Variants in ENOX1 observed in about 807,000 individuals in gnomAD.
ENOX1 encodes ecto-NOX disulfide-thiol exchanger 1, also known as candidate growth-related and time keeping constitutive hydroquinone (NADH) oxidase.
In ENOX1, 42 loss-of-function variants were observed where a neutral mutation model predicts 82.5. The ratio of observed to expected loss-of-function variants is 0.51; its 90% CI spans 0.40 to 0.66. The LOEUF (loss-of-function observed/expected upper bound fraction) is 0.66, where lower values mean the gene tolerates loss of function less well. Among genes scored for constraint, ENOX1 ranks in the 30% least tolerant of loss-of-function variants. ENOX1 has a pLI of 0.00. For missense variants in ENOX1, 608 were observed against 811.6 expected (o/e 0.75, Z 3.05); for synonymous variants, 271 against 282.2 (o/e 0.96, Z 0.40).
At chr13:43,559,286 A>G (rs1232902397) in intron 2 of ENOX1, among the ~76,000 whole-genome samples, 3 of 152,214 alleles carry the variant, frequency 2.0e-5, no homozygotes, top group Non-Finnish European at 2.9e-5. Flanking sequence ...AAACACATGC[A>G]TACTTATTTG....
chr13:43,286,082 C>A (rs543274598), intron 12 of ENOX1, among the ~76,000 whole-genome samples: 2 of 152,236 alleles, frequency 1.3e-5, no homozygotes, highest in Admixed American at 6.5e-5. Context: ...AGGACACCTG[C>A]TATAGACAGC....
chr13:43,476,726 A>T (rs1263853885), intron 3 of ENOX1, among the ~76,000 whole-genome samples: 1 of 152,188 alleles, frequency 6.6e-6, no homozygotes, highest in Non-Finnish European at 1.5e-5. Flanking sequence ...ATAGAAAAGG[A>T]TAGAGGCACA....
At chr13:43,355,547 G>A (rs2050091932) in intron 8 of ENOX1, among the ~76,000 whole-genome samples, 1 of 152,198 alleles carries the variant, frequency 6.6e-6, no homozygotes, top group Non-Finnish European at 1.5e-5. Flanking sequence ...ACAAATAGTT[G>A]CTGGCTCATT....
intron 1 of ENOX1, among the ~76,000 whole-genome samples, chr13:43,780,160 C>CAA (rs775373870): frequency 1.0e-5 from 1 of 96,090 alleles, no homozygotes. Context: ...GACTCTGTCT[C>CAA]AAAAAAAAAA....
intron 1 of ENOX1, among the ~76,000 whole-genome samples, chr13:43,712,010 G>A (rs1566813193): frequency 6.6e-6 from 1 of 150,470 alleles, no homozygotes; most frequent in East Asian, 2.0e-4. Flanking sequence ...CCTATGTCCT[G>A]AATGGTAATG....
intron 1 of ENOX1, among the ~76,000 whole-genome samples, chr13:43,678,537 G>A (rs1276158741): frequency 6.6e-6 from 1 of 152,170 alleles, no homozygotes; most frequent in Non-Finnish European, 1.5e-5. Flanking sequence ...CATGTCAGCT[G>A]GAGAGTTAAA....
At chr13:43,667,012 G>A (rs2085015597) in intron 2 of ENOX1, among the ~76,000 whole-genome samples, 1 of 152,200 alleles carries the variant, frequency 6.6e-6, no homozygotes, top group Non-Finnish European at 1.5e-5. Context: ...CAAGTGACCT[G>A]TTTGGGCAAA....
chr13:43,304,197 C>A (rs1325527439), intron 11 of ENOX1, among the ~76,000 whole-genome samples: 1 of 152,184 alleles, frequency 6.6e-6, no homozygotes, highest in African/African-American at 2.4e-5. Flanking sequence ...CTTCAAATAA[C>A]AGTAGCAGTA....
At chr13:43,544,322 T>C (rs1390466726) in intron 2 of ENOX1, 1 of 152,212 alleles carries the variant, frequency 6.6e-6, no homozygotes, top group Non-Finnish European at 1.5e-5. Context: ...CTTATCTAGA[T>C]TGTTGTAAGG....
rs544172896 is a variant in ENOX1, at chr13:43,429,210, A to G, written c.-74-16222T>C. ...CACGAGTCATTGGAGAGGCTAACGT[A>G]TAATGCCTTTTGGAGGAGCTGAAAG... On this transcript the variant is annotated intron_variant, in intron 3 of 16. Coordinates refer to ENST00000690772, the MANE Select transcript of ENOX1 (RefSeq NM_001347969.2). 3.0e-4 allele frequency among the ~76,000 whole-genome samples: 46 copies of G among 152,298 alleles called. 1 individual carries two copies. The highest frequency in any genetic ancestry group is 2.7e-3 in the Admixed American group (42 of 15,288).
At position 43,214,115 on chromosome 13, in the gene ENOX1, C is replaced by T; in HGVS notation, c.1807G>A (p.Ala603Thr). The change falls in exon 17 of 17, where the codon GCA becomes ACA. Residue 603 changes from alanine (A) to threonine (T), a missense_variant. By Grantham distance (58) the Ala-to-Thr change is moderately conservative. Coordinates refer to ENST00000690772, the MANE Select transcript of ENOX1 (RefSeq NM_001347969.2). ...YMQQLDSKIS[A>T]NEIEMLLMRL... ...ATCAAAAGCATTTCTATTTCATTTGCAGATATCTGTTAGAAAGGAAGGAAA... is the reference window on the plus strand; with the variant it reads ...ATCAAAAGCATTTCTATTTCATTTGTAGATATCTGTTAGAAAGGAAGGAAA... 6.2e-7 allele frequency: 1 copy of T among 1,612,190 alleles called. No homozygotes were observed. The highest frequency in any genetic ancestry group is 1.1e-5 in the South Asian group (1 of 90,742).
chr13:43,614,339 C>CG (rs1369532985), intron 2 of ENOX1, among the ~76,000 whole-genome samples: 1 of 152,178 alleles, frequency 6.6e-6, no homozygotes, highest in Non-Finnish European at 1.5e-5. Flanking sequence ...AGGGTTGTCA[C>CG]TACACACAGC....
At chr13:43,380,272 A>C (rs1575429) in intron 5 of ENOX1, among the ~76,000 whole-genome samples, 1 of 151,008 alleles carries the variant, frequency 6.6e-6, no homozygotes, top group African/African-American at 2.4e-5. Context: ...GAAAAAAAAA[A>C]TTTTTACTTA....
chr13:43,419,530 G>A (rs988129007), intron 3 of ENOX1, among the ~76,000 whole-genome samples: 1 of 151,988 alleles, frequency 6.6e-6, no homozygotes, highest in Non-Finnish European at 1.5e-5. Context: ...CTCTAGCCTG[G>A]GCAACAGATT....
chr13:43,348,162 T>G (rs865779830), intron 8 of ENOX1, among the ~76,000 whole-genome samples: 1 of 152,214 alleles, frequency 6.6e-6, no homozygotes, highest in Non-Finnish European at 1.5e-5. Flanking sequence ...TCCCTCAAGA[T>G]TCAGCGTAAG....
chr13:43,583,634 T>C lies in ENOX1; in HGVS notation c.-219+83845A>G, dbSNP rs75349127. Among the ~76,000 whole-genome samples the C allele has an allele frequency of 2.6e-3, 399 of 152,316 alleles. 2 individuals carry two copies. Among genetic ancestry groups the C allele is most frequent in the African/African-American group, 9.3e-3 (386 of 41,570 alleles). On this transcript the variant is annotated intron_variant, in intron 2 of 16. Coordinates refer to ENST00000690772, the MANE Select transcript of ENOX1 (RefSeq NM_001347969.2). ...CTAAATATTAACTCAAAAAAGCTTA[T>C]TTGATTCTCCCTACAGACACCTTTC... is the stretch of plus-strand genomic sequence containing the variant.
intron 1 of ENOX1, among the ~76,000 whole-genome samples, chr13:43,703,994 T>C (rs567570438): frequency 6.6e-6 from 1 of 151,974 alleles, no homozygotes; most frequent in South Asian, 2.1e-4. Context: ...ACAGGGATGG[T>C]GAAAGACACC....
At chr13:43,264,302 AC>A (rs1168413563) in intron 14 of ENOX1, among the ~76,000 whole-genome samples, 1 of 152,220 alleles carries the variant, frequency 6.6e-6, no homozygotes, top group Non-Finnish European at 1.5e-5. Context: ...AACTTCCTGT[AC>A]ACTTATCATG....
chr13:43,329,062 T>C (rs150558133), intron 9 of ENOX1, among the ~76,000 whole-genome samples: 2 of 152,214 alleles, frequency 1.3e-5, no homozygotes, highest in Admixed American at 1.3e-4. Context: ...ATTCCACAAA[T>C]AGGGCAACAT....
Sources: allele counts gnomAD v4.1 joint callset (sites outside exome capture counted in the v4.1 genomes callset), GRCh38; gene constraint gnomAD v4.1.1; transcripts MANE v1.5; gene names NCBI Gene and HGNC (gene_info 2026-07-23, HGNC 2026-07-21).